PCDH15: variants seen among roughly 807,000 people sequenced by gnomAD.
PCDH15 encodes the protein protocadherin related 15.
Under a neutral mutation model 178.5 loss-of-function variants are expected in PCDH15, and 129 were observed. The observed-to-expected ratio is 0.72, with a 90% CI of 0.63 to 0.84. The LOEUF is 0.84. PCDH15 is among the 40% of genes least tolerant of loss of function. The pLI, the probability that PCDH15 is intolerant of heterozygous loss-of-function variation, is 0.00. For synonymous variants in PCDH15, 800 were observed against 732.0 expected (o/e 1.09, Z -1.50); for missense variants, 2,230 against 2,099.9 (o/e 1.06, Z -1.21).
chr10:54,260,105 T>C (rs1238665366), intron 8 of PCDH15, among the ~76,000 whole-genome samples: 1 of 152,190 alleles, frequency 6.6e-6, no homozygotes, highest in Non-Finnish European at 1.5e-5. Context: ...TAATGGTATT[T>C]ATCGTATGTA....
chr10:55,157,819 G>T (rs12220925), intron 2 of PCDH15, among the ~76,000 whole-genome samples: 54 of 151,484 alleles, frequency 3.6e-4, no homozygotes, highest in African/African-American at 1.1e-3. Flanking sequence ...GTGGGGGAAG[G>T]GGGGAGGGAT....
At chr10:55,255,038 G>A (rs1841952691) in intron 1 of PCDH15, among the ~76,000 whole-genome samples, 1 of 151,908 alleles carries the variant, frequency 6.6e-6, no homozygotes, top group South Asian at 2.1e-4. Flanking sequence ...TGCCATGTTG[G>A]TGTGCTGCAC....
chr10:55,376,937 T>C lies in PCDH15; in HGVS notation c.-155-210286A>G, dbSNP rs145180361. ...GCAAGAATGTTAAATATTTGCTTCC[T>C]GGCTTAAAATTATAACCCTATTTTT... On this transcript the variant is annotated intron_variant, in intron 2 of 5. Coordinates refer to the PCDH15 transcript ENST00000613346. Among the ~76,000 whole-genome samples the C allele has an allele frequency of 2.2e-4, 33 of 152,152 alleles. No homozygotes were observed. The East Asian group carries it at 6.2e-3, about 28-fold the overall frequency.
At chr10:54,445,459 A>G (rs756004786) in intron 3 of PCDH15, among the ~76,000 whole-genome samples, 7 of 151,554 alleles carry the variant, frequency 4.6e-5, no homozygotes, top group Non-Finnish European at 8.9e-5. Flanking sequence ...CTTTTAAAAA[A>G]TTGTCTACAT....
intron 1 of PCDH15, among the ~76,000 whole-genome samples, chr10:55,279,088 G>A (rs1236325106): frequency 6.6e-6 from 1 of 152,194 alleles, no homozygotes; most frequent in Non-Finnish European, 1.5e-5. Context: ...CGATGCCCGA[G>A]ATGAGTGAGA....
intron 1 of PCDH15, among the ~76,000 whole-genome samples, chr10:55,275,257 G>A (rs983770658): frequency 6.6e-6 from 1 of 151,908 alleles, no homozygotes; most frequent in African/African-American, 2.4e-5. Flanking sequence ...TTTTGCTAAT[G>A]TCTTCTCCTT....
chr10:54,555,305 C>T (rs139559662), intron 2 of PCDH15, among the ~76,000 whole-genome samples: 88 of 152,162 alleles, frequency 5.8e-4, no homozygotes, highest in African/African-American at 2.0e-3. Flanking sequence ...ATAGCTTTTG[C>T]CCTCAGATCT....
intron 29 of PCDH15, among the ~76,000 whole-genome samples, chr10:53,836,509 C>G (rs1000814517): frequency 2.4e-5 from 3 of 126,698 alleles, no homozygotes; most frequent in Non-Finnish European, 5.3e-5. Context: ...GAAAACCCTA[C>G]AGCACGCAGG....
chr10:53,930,384 G>T (rs1416274010), intron 25 of PCDH15, among the ~76,000 whole-genome samples: 1 of 145,358 alleles, frequency 6.9e-6, no homozygotes, highest in African/African-American at 2.5e-5. Context: ...CATGAACCTG[G>T]GAGGCGGAGC....
In PCDH15 at chr10:54,118,164, A is replaced by G. The variant is rs548250056; in HGVS notation, c.1917+14711T>C. ...TTATACTACAAGTCTACAGTAACCAAAACAACATGCTACTGGTAGAAAAAC... is the reference window on the plus strand; with the variant it reads ...TTATACTACAAGTCTACAGTAACCAGAACAACATGCTACTGGTAGAAAAAC... On this transcript the variant is annotated intron_variant, in intron 15 of 37. Transcript: ENST00000644397. Among the ~76,000 whole-genome samples, 6 of 152,300 alleles carry G rather than the reference A, an allele frequency of 3.9e-5. 1 individual carries two copies. Among genetic ancestry groups the G allele is most frequent in the African/African-American group, 1.4e-4 (6 of 41,574 alleles).
rs182405437 is a variant in PCDH15 at position 54,792,617 on chromosome 10, C to T, written c.-29+8308G>A. ...CTCCCTACCTGTCTTCAAGCTGGGA[C>T]GTGAGTCCTTTACCATCAGACTTGA... On this transcript the variant is annotated intron_variant, in intron 1 of 37. Coordinates refer to ENST00000644397, the MANE Select transcript of PCDH15 (RefSeq NM_001384140.1). Among the ~76,000 whole-genome samples, 8 of 151,968 alleles carry T rather than the reference C, an allele frequency of 5.3e-5. No individual in the cohort carries two copies. The East Asian group carries it at 1.4e-3, about 26-fold the overall frequency.
At chr10:55,135,108 C>T (rs1475421397) in intron 2 of PCDH15, among the ~76,000 whole-genome samples, 1 of 152,054 alleles carries the variant, frequency 6.6e-6, no homozygotes, top group Non-Finnish European at 1.5e-5. Context: ...TATTAAACAA[C>T]CATTGAGTTT....
intron 7 of PCDH15, among the ~76,000 whole-genome samples, chr10:54,322,651 C>CA (rs112430418): frequency 0.25 from 38,231 of 151,534 alleles, 5,259 homozygotes; most frequent in African/African-American, 0.37. Flanking sequence ...ACTTACCAAC[C>CA]AAAAAAAGCA....
At chr10:55,018,369 A>G (rs2131951381) in intron 2 of PCDH15, among the ~76,000 whole-genome samples, 1 of 152,260 alleles carries the variant, frequency 6.6e-6, no homozygotes. Flanking sequence ...TAACCTATGC[A>G]TATCCTCCCT....
intron 2 of PCDH15, among the ~76,000 whole-genome samples, chr10:55,081,100 G>A (rs1262728018): frequency 1.3e-5 from 2 of 152,208 alleles, no homozygotes; most frequent in East Asian, 1.9e-4. Flanking sequence ...CTTATGGTCA[G>A]GATTGCAGCC....
chr10:53,878,345 AAT>A (rs2080420033), intron 26 of PCDH15, among the ~76,000 whole-genome samples: 1 of 123,080 alleles, frequency 8.1e-6, no homozygotes, highest in Non-Finnish European at 1.7e-5. Context: ...GTCTATATAT[AAT>A]AGACTATATA....
rs74136222 is a variant in PCDH15, at chr10:54,607,760, C to A, written c.91+56412G>T. On this transcript the variant is annotated intron_variant, in intron 2 of 37. Transcript: ENST00000644397. ...AGATTGCTCAATAAATCAATGGTAA[C>A]TTTAAGGCTTTTACTGTCTACTACA... 3,953 of 399,130 alleles carry A rather than the reference C, an allele frequency of 9.9e-3. 130 individuals carry two copies. The highest frequency in any genetic ancestry group is 0.08 in the African/African-American group (3,652 of 45,400). The allele number at this position is 399,130 out of a possible 1,614,324, so 24.7% of individuals were successfully genotyped here. A position where few individuals can be genotyped will look rare whatever the true frequency, so the allele number is the denominator to read the frequency against.
chr10:54,792,527 T>C (rs1055365573), intron 1 of PCDH15, among the ~76,000 whole-genome samples: 3 of 151,950 alleles, frequency 2.0e-5, no homozygotes, highest in Non-Finnish European at 2.9e-5. Flanking sequence ...TAAAGCAGAC[T>C]GACAACCCAA....
chr10:55,447,377 T>C (rs950023746), intron 2 of PCDH15, among the ~76,000 whole-genome samples: 35 of 152,080 alleles, frequency 2.3e-4, no homozygotes, highest in Non-Finnish European at 1.2e-4. Context: ...AATAAAGGCA[T>C]GATAGAAATG....
Sources: gnomAD v4.1 joint callset for allele counts (sites outside exome capture counted in the v4.1 genomes callset) on GRCh38, gnomAD v4.1.1 for gene constraint, MANE v1.5 for transcripts, NCBI Gene and HGNC (gene_info 2026-07-23, HGNC 2026-07-21) for gene names.